ABCC4: variants seen among roughly 807,000 people sequenced by gnomAD.
ABCC4 encodes ATP-binding cassette sub-family C member 4.
ABCC4 carries 102 observed loss-of-function variants against 168.5 expected under a neutral mutation model. The ratio of observed to expected loss-of-function variants is 0.61; its 90% CI spans 0.52 to 0.71. The LOEUF is 0.71. Among genes scored for constraint, ABCC4 ranks in the 30% least tolerant of loss-of-function variants. ABCC4 has a pLI of 0.00. For synonymous variants in ABCC4, 617 were observed against 590.7 expected (o/e 1.04, Z -0.65); for missense variants, 1,402 against 1,605.8 (o/e 0.87, Z 2.17).
chr13:95,217,904 T>C (rs1001420568), intron 4 of ABCC4, among the ~76,000 whole-genome samples: 5 of 152,294 alleles, frequency 3.3e-5, no homozygotes, highest in African/African-American at 9.6e-5. Flanking sequence ...GGGTACTTCC[T>C]GATCCATCTT....
chr13:95,253,741 C>G (rs77845156), intron 1 of ABCC4, among the ~76,000 whole-genome samples: 8 of 143,928 alleles, frequency 5.6e-5, no homozygotes, highest in African/African-American at 2.0e-4. Context: ...GAGACCCCAT[C>G]AAAAAAAAAA....
At chr13:95,033,579 C>T (rs1180374962) in intron 30 of ABCC4, among the ~76,000 whole-genome samples, 1 of 152,122 alleles carries the variant, frequency 6.6e-6, no homozygotes, top group African/African-American at 2.4e-5. Flanking sequence ...GTCTTTAATG[C>T]CTTATAAACA....
intron 11 of ABCC4, among the ~76,000 whole-genome samples, chr13:95,180,877 G>T (rs1366801841): frequency 6.6e-6 from 1 of 152,178 alleles, no homozygotes; most frequent in Non-Finnish European, 1.5e-5. Flanking sequence ...CCCATGCCTG[G>T]TAGTAGCACT....
rs536526096 is a variant in ABCC4, at chr13:95,294,564, T to A, written c.74+6677A>T. Reference sequence around the variant, plus strand: ...AGGCGTTGCATGGGGCTGGTTTTTGTGTTCCAGTCGTGGAAGCGAGACACC... The same window carrying A: ...AGGCGTTGCATGGGGCTGGTTTTTGAGTTCCAGTCGTGGAAGCGAGACACC... On this transcript the variant is annotated intron_variant, in intron 1 of 30. Transcript: ENST00000645237. Among the ~76,000 whole-genome samples, 34 of 152,306 alleles carry A rather than the reference T, an allele frequency of 2.2e-4. No individual in the cohort carries two copies. In the East Asian group the frequency reaches 2.3e-3, roughly 10 times the overall value.
At chr13:95,197,522 G>A (rs1327838216) in intron 8 of ABCC4, among the ~76,000 whole-genome samples, 1 of 152,206 alleles carries the variant, frequency 6.6e-6, no homozygotes, top group Non-Finnish European at 1.5e-5. Flanking sequence ...CTCAACACAT[G>A]AACGGCTTGT....
intron 20 of ABCC4, among the ~76,000 whole-genome samples, chr13:95,109,306 C>T (rs562477151): frequency 1.3e-5 from 2 of 152,136 alleles, no homozygotes; most frequent in East Asian, 3.9e-4. Flanking sequence ...AGAAAAGCAT[C>T]ACTAATGCGA....
chr13:95,035,838 T>C (rs1473536235), intron 29 of ABCC4, among the ~76,000 whole-genome samples: 1 of 152,178 alleles, frequency 6.6e-6, no homozygotes, highest in Non-Finnish European at 1.5e-5. Context: ...AAATTTATCT[T>C]AAGAGAATAT....
At chr13:95,145,721 G>A (rs2036471772) in intron 19 of ABCC4, among the ~76,000 whole-genome samples, 3 of 152,002 alleles carry the variant, frequency 2.0e-5, no homozygotes, top group Non-Finnish European at 4.4e-5. Context: ...ATGGTGGCCT[G>A]GATAAAGAAA....
intron 20 of ABCC4, among the ~76,000 whole-genome samples, chr13:95,086,528 T>C (rs1024021358): frequency 2.0e-5 from 3 of 152,198 alleles, no homozygotes; most frequent in Non-Finnish European, 4.4e-5. Context: ...ACAAGCATAA[T>C]TTTAACTACA....
intron 8 of ABCC4, among the ~76,000 whole-genome samples, chr13:95,203,883 C>T (rs760628309): frequency 2.0e-5 from 3 of 152,202 alleles, no homozygotes; most frequent in East Asian, 1.9e-4. Context: ...CTTCCTCGCT[C>T]GGCCTTCCTC....
At chr13:95,143,030 A>T (rs2036371086) in intron 19 of ABCC4, among the ~76,000 whole-genome samples, 1 of 152,190 alleles carries the variant, frequency 6.6e-6, no homozygotes, top group Non-Finnish European at 1.5e-5. Flanking sequence ...AAGCCTAGCT[A>T]TATAAATAAA....
At chr13:95,083,103 C>CTA (rs749080089) in intron 21 of ABCC4, 37 bp downstream of exon 21, 18 of 1,588,262 alleles carry the variant, frequency 1.1e-5, no homozygotes, top group Non-Finnish European at 1.5e-5. Flanking sequence ...TGGAAACTAG[C>CTA]TAGCATGTCT....
chr13:95,189,040 C>T (rs2038162971), intron 9 of ABCC4, among the ~76,000 whole-genome samples: 1 of 151,282 alleles, frequency 6.6e-6, no homozygotes, highest in Admixed American at 6.6e-5. Flanking sequence ...TGCTCTCCCT[C>T]CCCTTGCCCC....
intron 20 of ABCC4, among the ~76,000 whole-genome samples, chr13:95,101,353 G>T: frequency 6.6e-6 from 1 of 150,940 alleles, no homozygotes; most frequent in South Asian, 2.1e-4. Context: ...TCAAGCTGCT[G>T]ATTTTTTTTT....
intron 1 of ABCC4, among the ~76,000 whole-genome samples, chr13:95,247,999 C>G (rs2040155212): frequency 6.6e-6 from 1 of 151,196 alleles, no homozygotes. Context: ...TAGCTGAGAG[C>G]ATGCTGGTGC....
At chr13:95,038,338 G>A (rs1360079762) in intron 29 of ABCC4, among the ~76,000 whole-genome samples, 2 of 130,426 alleles carry the variant, frequency 1.5e-5, no homozygotes, top group African/African-American at 5.9e-5. Flanking sequence ...GCAAAGATGG[G>A]TAAGTCCCAG....
In ABCC4 at chr13:95,163,250, A is replaced by G. The variant is rs2037157435; in HGVS notation, c.2214-34T>C. ...CATGGGGAGAAAAAAATATTAAGCT[A>G]TATATGAAATTTAGATAAATACATT... On this transcript the variant is annotated intron_variant, in intron 17 of 30. Coordinates refer to ENST00000645237, the MANE Select transcript of ABCC4 (RefSeq NM_005845.5). The G allele has an allele frequency of 1.2e-5, 17 of 1,372,602 alleles. No individual in the cohort carries two copies. In the East Asian group the frequency reaches 3.7e-4, roughly 30 times the overall value. The allele number at this position is 1,372,602 out of a possible 1,614,324, so 85.0% of individuals were successfully genotyped here. A position where few individuals can be genotyped will look rare whatever the true frequency, so the allele number is the denominator to read the frequency against.
chr13:95,119,707 C>T (rs556823281), intron 19 of ABCC4, among the ~76,000 whole-genome samples: 1 of 152,240 alleles, frequency 6.6e-6, no homozygotes, highest in South Asian at 2.1e-4. Context: ...TTGTAAGTTC[C>T]CATGTCTACT....
At chr13:95,057,674 G>A (rs1266291718) in intron 26 of ABCC4, among the ~76,000 whole-genome samples, 1 of 152,236 alleles carries the variant, frequency 6.6e-6, no homozygotes, top group African/African-American at 2.4e-5. Context: ...GTGGTCAAGA[G>A]TGACAGAGGA....
Sources: allele counts gnomAD v4.1 joint callset (sites outside exome capture counted in the v4.1 genomes callset), GRCh38; gene constraint gnomAD v4.1.1; transcripts MANE v1.5; gene names NCBI Gene and HGNC (gene_info 2026-07-23, HGNC 2026-07-21).